Variants in NAALADL2 observed in about 807,000 individuals in gnomAD.
NAALADL2 encodes the protein N-acetylated alpha-linked acidic dipeptidase like 2.
In NAALADL2, 76 loss-of-function variants were observed where a neutral mutation model predicts 87.2. The ratio of observed to expected loss-of-function variants is 0.87; its 90% confidence interval spans 0.72 to 1.05. The LOEUF (loss-of-function observed/expected upper bound fraction) is 1.05. Among genes scored for constraint, NAALADL2 ranks in the 50% least tolerant of loss-of-function variants. The pLI, the probability that NAALADL2 is intolerant of heterozygous loss-of-function variation, is 0.00. For missense variants in NAALADL2, 1,089 were observed against 945.8 expected, an observed-to-expected ratio of 1.15 and a Z score of -1.99; for synonymous variants, 354 against 331.0, an observed-to-expected ratio of 1.07 and a Z score of -0.75.
intron 1 of NAALADL2, among the ~76,000 whole-genome samples, chr3:174,949,008 T>C (rs1159538774): frequency 6.6e-6 from 1 of 152,248 alleles, no homozygotes; most frequent in Middle Eastern, 3.4e-3. Flanking sequence ...CACTCTAGCC[T>C]CACATGGCAG....
chr3:175,575,892 G>C lies in NAALADL2; in HGVS notation c.1654-149G>C, dbSNP rs933312448. The C allele has an allele frequency of 2.6e-5, 15 of 581,466 alleles. No individual in the cohort carries two copies. In the East Asian group the frequency reaches 4.5e-4, roughly 18 times the overall value. The allele number at this position is 581,466 out of a possible 1,614,324, so 36.0% of individuals were successfully genotyped here. On this transcript the variant is annotated intron_variant, in intron 9 of 13. Transcript: ENST00000454872. ...CTGGGCTCTACCACCCATTAGGTAGGACAGTGTGGGGCCTAAGCATTTGCA... is the reference window on the plus strand; with the variant it reads ...CTGGGCTCTACCACCCATTAGGTAGCACAGTGTGGGGCCTAAGCATTTGCA...
chr3:175,575,341 A>C (rs1170022671), intron 9 of NAALADL2, among the ~76,000 whole-genome samples: 2 of 151,976 alleles, frequency 1.3e-5, no homozygotes, highest in South Asian at 4.1e-4. Flanking sequence ...CTGGAGTGCA[A>C]TGGTACACTC....
intron 1 of NAALADL2, among the ~76,000 whole-genome samples, chr3:174,547,750 T>C (rs905327642): frequency 2.6e-5 from 4 of 152,164 alleles, no homozygotes; most frequent in Non-Finnish European, 5.9e-5. Flanking sequence ...TCAAGTGACA[T>C]TGGGACATAG....
chr3:175,208,740 A>G (rs750053596), intron 2 of NAALADL2, among the ~76,000 whole-genome samples: 2 of 152,204 alleles, frequency 1.3e-5, no homozygotes, highest in Non-Finnish European at 2.9e-5. Flanking sequence ...GATAGAAAGG[A>G]AATAAATAAT....
intron 10 of NAALADL2, among the ~76,000 whole-genome samples, chr3:175,596,263 T>C (rs996932673): frequency 2.0e-5 from 3 of 151,950 alleles, no homozygotes; most frequent in African/African-American, 4.8e-5. Flanking sequence ...CTTTCCATGA[T>C]TGGTCATCAT....
chr3:175,328,439 C>G (rs1003146371), intron 5 of NAALADL2, among the ~76,000 whole-genome samples: 20 of 151,916 alleles, frequency 1.3e-4, no homozygotes, highest in Non-Finnish European at 2.9e-4. Flanking sequence ...AAAGTCTAAC[C>G]CTGACTTTTT....
intron 3 of NAALADL2, among the ~76,000 whole-genome samples, chr3:174,837,962 G>C (rs112986857): frequency 0.17 from 23,859 of 141,248 alleles, 2,296 homozygotes; most frequent in African/African-American, 0.27. Flanking sequence ...CTCCCTAATT[G>C]ATTCTATGAA....
At chr3:174,510,051 T>C (rs1051071433) in intron 1 of NAALADL2, among the ~76,000 whole-genome samples, 2 of 152,162 alleles carry the variant, frequency 1.3e-5, no homozygotes, top group Admixed American at 6.5e-5. Flanking sequence ...TTACATAATA[T>C]ATTTTTTGAA....
At chr3:175,422,123 A>AT (rs1274530894) in intron 5 of NAALADL2, among the ~76,000 whole-genome samples, 4 of 151,478 alleles carry the variant, frequency 2.6e-5, no homozygotes, top group Admixed American at 1.3e-4. Flanking sequence ...CGTGTAGATG[A>AT]TTTTTTAAAT....
chr3:174,686,653 GTGATCTTC>G (rs1413619691), intron 2 of NAALADL2, among the ~76,000 whole-genome samples: 1 of 151,888 alleles, frequency 6.6e-6, no homozygotes, highest in African/African-American at 2.4e-5. Context: ...CTACAACTAT[GTGATCTTC>G]GACAAACTTG....
rs542926151 is a variant in NAALADL2, at chr3:174,953,498, T to G, written c.43+94048T>G. On this transcript the variant is annotated intron_variant, in intron 1 of 13. Coordinates refer to ENST00000454872, the MANE Select transcript of NAALADL2 (RefSeq NM_207015.3). ...TCAGGAGGTGGATATTTAAGATGTG[T>G]TTTCATGGTGTCCCCTTACAGATAT... Among the ~76,000 whole-genome samples, 77 of 151,962 alleles carry G rather than the reference T, an allele frequency of 5.1e-4. 1 individual carries two copies. The highest frequency in any genetic ancestry group is 9.1e-4 in the Non-Finnish European group (62 of 67,972).
At chr3:175,295,716 CAA>C (rs1553851706) in intron 4 of NAALADL2, among the ~76,000 whole-genome samples, 4,504 of 142,710 alleles carry the variant, frequency 0.032, 70 homozygotes, top group South Asian at 0.052. Context: ...CACATGCACA[CAA>C]ACACACACAC....
chr3:174,857,669 G>T (rs1726001408), upstream of NAALADL2, among the ~76,000 whole-genome samples: 1 of 151,702 alleles, frequency 6.6e-6, no homozygotes. Flanking sequence ...ATGTAGCATG[G>T]TGTGTATATA....
chr3:175,553,165 C>T (rs1714707086), intron 9 of NAALADL2, among the ~76,000 whole-genome samples: 1 of 152,124 alleles, frequency 6.6e-6, no homozygotes, highest in African/African-American at 2.4e-5. Flanking sequence ...AATAACTCAT[C>T]TCATATCTAA....
chr3:175,526,557 C>T (rs1374618815), intron 9 of NAALADL2, among the ~76,000 whole-genome samples: 3 of 151,212 alleles, frequency 2.0e-5, no homozygotes, highest in African/African-American at 7.3e-5. Context: ...AGTGTGTTTA[C>T]GTATTTAATG....
chr3:175,588,529 C>CTTTTTTTTTTTTTTTTT (rs1430802993), intron 10 of NAALADL2, among the ~76,000 whole-genome samples: 4 of 94,478 alleles, frequency 4.2e-5, no homozygotes, highest in African/African-American at 1.6e-4. Context: ...TTCTTTCTTT[C>CTTTTTTTTTTTTTTTTT]TTTTCTTTTT....
rs1423896801 is a variant in NAALADL2 at position 174,716,406 on chromosome 3, G to A, written c.-114-21235G>A. On this transcript the variant is annotated intron_variant, in intron 2 of 3. Transcript: ENST00000434257. ...TCACACCTTTTAAATAAGGAGGCCT[G>A]TATACAGGGTTCCAAATATGATAAT... Among the ~76,000 whole-genome samples the A allele has an allele frequency of 3.4e-5, 5 of 146,826 alleles. No homozygotes were observed. The East Asian group carries it at 8.4e-4, about 25-fold the overall frequency.
intron 1 of NAALADL2, among the ~76,000 whole-genome samples, chr3:174,863,219 G>A (rs1033326704): frequency 2.6e-5 from 4 of 152,160 alleles, no homozygotes; most frequent in South Asian, 4.1e-4. Flanking sequence ...TCAAAACTGC[G>A]TTTGCTGCAG....
At position 175,388,027 on chromosome 3, in the gene NAALADL2, G is replaced by T. The variant is rs9290552; in HGVS notation, c.1091-59202G>T. Among the ~76,000 whole-genome samples, 112 of 151,784 alleles carry T rather than the reference G, an allele frequency of 7.4e-4. No individual in the cohort carries two copies. In the East Asian group the frequency reaches 0.019, roughly 26 times the overall value. The stretch of plus-strand genomic sequence containing the variant: ...TGGCTCCAGGAGATCCACCATTCTC[G>T]GTAACTATCAATGTGCATGTACATT... On this transcript the variant is annotated intron_variant, in intron 5 of 13. Coordinates refer to ENST00000454872, the MANE Select transcript of NAALADL2 (RefSeq NM_207015.3).
Sources: gnomAD v4.1 joint callset for allele counts (sites outside exome capture counted in the v4.1 genomes callset) on GRCh38, gnomAD v4.1.1 for gene constraint, MANE v1.5 for transcripts, NCBI Gene and HGNC (gene_info 2026-07-23, HGNC 2026-07-21) for gene names.